OR8D1: variants seen among roughly 807,000 people sequenced by gnomAD.
The protein encoded by OR8D1 is olfactory receptor family 8 subfamily D member 1.
For synonymous variants in OR8D1, 143 were observed against 147.0 expected, an observed-to-expected ratio of 0.97 and a Z score of 0.20; for missense variants, 384 against 366.8, an observed-to-expected ratio of 1.05 and a Z score of -0.38.
Position 124,313,779 on chromosome 11 carries a change from A to G in OR8D1, c.-180T>C, listed in dbSNP as rs1460943209. 6.6e-6 allele frequency: 1 copy of G among 152,220 alleles called. No homozygotes were observed. Among genetic ancestry groups the G allele is most frequent in the African/African-American group, 2.4e-5 (1 of 41,464 alleles). The allele number at this position is 152,220 out of a possible 1,614,324, so 9.4% of individuals were successfully genotyped here. On this transcript the variant is annotated 5_prime_UTR_variant, in exon 1 of 3. Transcript: ENST00000641015. ...ATTGTTCACTTTGCTCAGGTCGCAG[A>G]TCCCTGTAATAGCCAACAAAGAACA... is the stretch of plus-strand genomic sequence containing the variant.
In OR8D1 at chr11:124,305,728, G is replaced by A. The variant is rs1344655522; in HGVS notation, c.*4112C>T. On this transcript the variant is annotated 3_prime_UTR_variant, in exon 3 of 3. Coordinates refer to ENST00000641015, the MANE Select transcript of OR8D1 (RefSeq NM_001002917.2). ...AGGAATATCTTAAAAACTGATTGGA[G>A]TAGAAGATAAAGCCCTTTGAATCCC... is the stretch of plus-strand genomic sequence containing the variant. 6.6e-6 allele frequency: 1 copy of A among 151,780 alleles called. No individual in the cohort carries two copies. 9.4% of individuals were successfully genotyped at this position (151,780 alleles called of 1,614,324 possible). A position where few individuals can be genotyped will look rare whatever the true frequency, so the allele number is the denominator to read the frequency against.
Position 124,310,012 on chromosome 11 carries a change from A to G in OR8D1, c.755T>C (p.Phe252Ser), listed in dbSNP as rs761004797. ...GAAATACATGAAGGTAATGGACCCA[A>G]AGAAGATCACCACAGCCATGAGATG... is the stretch of plus-strand genomic sequence containing the variant. ...SSHLMAVVIF[F>S]GSITFMYFKP... Residue 252 changes from phenylalanine to serine, a missense_variant, in exon 3 of 3, where the codon TTT becomes TCT. Physicochemically the swap from Phe to Ser is radical, Grantham distance 155 (BLOSUM62 -2). Coordinates refer to ENST00000641015, the MANE Select transcript of OR8D1 (RefSeq NM_001002917.2). The G allele has an allele frequency of 2.5e-5, 40 of 1,601,738 alleles. No individual in the cohort carries two copies. The highest frequency in any genetic ancestry group is 2.5e-4 in the East Asian group (11 of 44,716).
chr11:124,303,051 C>G lies in OR8D1; in HGVS notation c.*6789G>C, dbSNP rs1862337731. On this transcript the variant is annotated 3_prime_UTR_variant, in exon 3 of 3. Transcript: ENST00000641015. ...ATGAGTCTGTATTAATCCGTTTTCA[C>G]ATTGCTATAAGGAACTGCTGGAGAC... The G allele has an allele frequency of 6.6e-6, 1 of 152,024 alleles. No individual in the cohort carries two copies. The allele number at this position is 152,024 out of a possible 1,614,324, so 9.4% of individuals were successfully genotyped here.
chr11:124,310,953 C>A, intron 2 of OR8D1, 171 bp from the exon 3 acceptor site: 1 of 517,416 alleles, frequency 1.9e-6, no homozygotes, highest in Non-Finnish European at 3.4e-6. Flanking sequence ...TGGGCCTTCT[C>A]CAAGTTGGTC....
intron 2 of OR8D1, among the ~76,000 whole-genome samples, chr11:124,311,083 A>T (rs1042504838): frequency 1.3e-5 from 2 of 152,170 alleles, no homozygotes; most frequent in Admixed American, 6.5e-5. Flanking sequence ...CCAATTTGTC[A>T]CAGTTAAACA....
In OR8D1 at chr11:124,305,209, A is replaced by G. The variant is rs1029558939; in HGVS notation, c.*4631T>C. On this transcript the variant is annotated 3_prime_UTR_variant, in exon 3 of 3. Transcript: ENST00000641015. ...GGGTACAAAGTAGGTCCCTATATAG[A>G]TGGTCAGTTGATCTTAACAAAGGAA... The G allele has an allele frequency of 6.6e-6, 1 of 151,974 alleles. No homozygotes were observed. Among genetic ancestry groups the G allele is most frequent in the Non-Finnish European group, 1.5e-5 (1 of 67,922 alleles). The allele number at this position is 151,974 out of a possible 1,614,324, so 9.4% of individuals were successfully genotyped here.
At chr11:124,311,975 G>A (rs1862425841) in intron 1 of OR8D1, among the ~76,000 whole-genome samples, 1 of 152,184 alleles carries the variant, frequency 6.6e-6, no homozygotes, top group South Asian at 2.1e-4. Flanking sequence ...GGGTATCAAA[G>A]TAGGTGTATT....
At position 124,310,115 on chromosome 11, in the gene OR8D1, A is replaced by T; in HGVS notation, c.652T>A (p.Tyr218Asn). 6.2e-7 allele frequency: 1 copy of T among 1,613,744 alleles called. No individual in the cohort carries two copies. Among genetic ancestry groups the T allele is most frequent in the Non-Finnish European group, 8.5e-7 (1 of 1,179,846 alleles). The change falls in exon 3 of 3, where the codon TAT (tyrosine) becomes AAT (asparagine). Residue 218 changes from tyrosine (Y) to asparagine (N), a missense_variant. Physicochemically the swap from Tyr to Asn is moderately radical, Grantham distance 143 (BLOSUM62 -2). Coordinates refer to ENST00000641015, the MANE Select transcript of OR8D1 (RefSeq NM_001002917.2). ...AGGATGCTGTAGAGGATGAAGGCAT[A>T]GGAGACAGCAACAGCTAGGGTGGGC... ...LVPTLAVAVS[Y>N]AFILYSILHI...
rs928788565 is a variant in OR8D1 at position 124,307,604 on chromosome 11, C to G, written c.*2236G>C. The G allele has an allele frequency of 6.6e-6, 1 of 151,890 alleles. No individual in the cohort carries two copies. The highest frequency in any genetic ancestry group is 1.5e-5 in the Non-Finnish European group (1 of 67,988). The allele number at this position is 151,890 out of a possible 1,614,324, so 9.4% of individuals were successfully genotyped here. ...ATAGTTTGAGCAACCTTAGCAACTG[C>G]GAAAGCCACTTAAGAATCAGAAAAT... On this transcript the variant is annotated 3_prime_UTR_variant, in exon 3 of 3. Transcript: ENST00000641015.
In OR8D1 at chr11:124,309,479, A is replaced by G. The variant is rs1862397684; in HGVS notation, c.*361T>C. On this transcript the variant is annotated 3_prime_UTR_variant, in exon 3 of 3. Coordinates refer to ENST00000641015, the MANE Select transcript of OR8D1 (RefSeq NM_001002917.2). Reference sequence around the variant, plus strand: ...GGCTAACATACCTCTTAGCATTCATATCAGTGGACAACTCAGTACCTCCCA... The same window carrying G: ...GGCTAACATACCTCTTAGCATTCATGTCAGTGGACAACTCAGTACCTCCCA... The G allele has an allele frequency of 6.4e-6, 1 of 155,366 alleles. No individual in the cohort carries two copies. Among genetic ancestry groups the G allele is most frequent in the African/African-American group, 2.4e-5 (1 of 41,652 alleles). 9.6% of individuals were successfully genotyped at this position (155,366 alleles called of 1,614,324 possible). A position where few individuals can be genotyped will look rare whatever the true frequency, so the allele number is the denominator to read the frequency against.
chr11:124,312,668 C>A (rs986042016), intron 1 of OR8D1, among the ~76,000 whole-genome samples: 1 of 151,714 alleles, frequency 6.6e-6, no homozygotes, highest in Non-Finnish European at 1.5e-5. Flanking sequence ...CAGGCATGCA[C>A]CACCAAGCTC....
intron 1 of OR8D1, among the ~76,000 whole-genome samples, chr11:124,312,295 T>A (rs1862428576): frequency 6.6e-6 from 1 of 152,104 alleles, no homozygotes; most frequent in Non-Finnish European, 1.5e-5. Context: ...TTTTAAACAT[T>A]TGGTGCTGGT....
At chr11:124,311,278 G>A (rs550933182) in intron 2 of OR8D1, among the ~76,000 whole-genome samples, 1 of 152,178 alleles carries the variant, frequency 6.6e-6, no homozygotes, top group East Asian at 1.9e-4. Flanking sequence ...TGGGTGTAAG[G>A]CATCTACTCA....
rs889947385 is a variant in OR8D1 at position 124,306,788 on chromosome 11, C to G, written c.*3052G>C. ...GGTATATGTAGGAAGAATGAGACAC[C>G]TCTCCTGGCTTCTGATGTTCCCATC... On this transcript the variant is annotated 3_prime_UTR_variant, in exon 3 of 3. Transcript: ENST00000641015. The G allele has an allele frequency of 2.6e-5, 4 of 151,862 alleles. No individual in the cohort carries two copies. Among genetic ancestry groups the G allele is most frequent in the Non-Finnish European group, 4.4e-5 (3 of 67,944 alleles). 9.4% of individuals were successfully genotyped at this position (151,862 alleles called of 1,614,324 possible).
rs542847398 is a variant in OR8D1 at position 124,307,842 on chromosome 11, T to C, written c.*1998A>G. 6 of 152,106 alleles carry C rather than the reference T, an allele frequency of 3.9e-5. No homozygotes were observed. Among genetic ancestry groups the C allele is most frequent in the Non-Finnish European group, 7.4e-5 (5 of 68,016 alleles). 9.4% of individuals were successfully genotyped at this position (152,106 alleles called of 1,614,324 possible). A position where few individuals can be genotyped will look rare whatever the true frequency, so the allele number is the denominator to read the frequency against. On this transcript the variant is annotated 3_prime_UTR_variant, in exon 3 of 3. Transcript: ENST00000641015. Reference sequence around the variant, plus strand: ...TCAAGCTCTCCCTGGATTTGTTAAATGTATAAGTTCTGAGCAGGGCTACAA... The same window carrying C: ...TCAAGCTCTCCCTGGATTTGTTAAACGTATAAGTTCTGAGCAGGGCTACAA...
In OR8D1 at chr11:124,306,646, C is replaced by T. The variant is rs867783995; in HGVS notation, c.*3194G>A. The stretch of plus-strand genomic sequence containing the variant: ...GTGTCACTTTTCTTAAGAGTTACTT[C>T]GAATTTCCCAATTATAATTTTGAAT... On this transcript the variant is annotated 3_prime_UTR_variant, in exon 3 of 3. Transcript: ENST00000641015. 3.3e-5 allele frequency: 5 copies of T among 151,736 alleles called. No homozygotes were observed. The highest frequency in any genetic ancestry group is 2.0e-4 in the Admixed American group (3 of 15,206). The allele number at this position is 151,736 out of a possible 1,614,324, so 9.4% of individuals were successfully genotyped here.
Position 124,309,905 on chromosome 11 carries a change from A to C in OR8D1, c.862T>G (p.Leu288Val). 9 of 1,516,482 alleles carry C rather than the reference A, an allele frequency of 5.9e-6. No homozygotes were observed. The highest frequency in any genetic ancestry group is 7.1e-6 in the Non-Finnish European group (8 of 1,134,346). The allele number at this position is 1,516,482 out of a possible 1,614,324, so 93.9% of individuals were successfully genotyped here. The change falls in exon 3 of 3, where the codon TTA becomes GTA. Residue 288 changes from leucine to valine, a missense_variant. Transcript: ENST00000641015. Reference sequence around the variant, plus strand: ...TCCTTATTCCTCAGACTGTATATTAAAGGGTTCAGCATGGGGATCACCGTG... The same window carrying C: ...TCCTTATTCCTCAGACTGTATATTACAGGGTTCAGCATGGGGATCACCGTG... ...YTTVIPMLNP[L>V]IYSLRNKDVK...
At position 124,310,046 on chromosome 11, in the gene OR8D1, A is replaced by G. The variant is rs1203623238; in HGVS notation, c.721T>C (p.Cys241Arg). The G allele has an allele frequency of 1.1e-5, 18 of 1,612,772 alleles. No individual in the cohort carries two copies. The highest frequency in any genetic ancestry group is 1.4e-5 in the Non-Finnish European group (17 of 1,179,344). Residue 241 changes from cysteine (C) to arginine (R), a missense_variant, in exon 3 of 3, where the codon TGC becomes CGC. Physicochemically the swap from Cys to Arg is radical, Grantham distance 180. Coordinates refer to ENST00000641015, the MANE Select transcript of OR8D1 (RefSeq NM_001002917.2). ...SEGRSKAFGT[C>R]SSHLMAVVIF... The stretch of plus-strand genomic sequence containing the variant: ...ACCACAGCCATGAGATGAGAGCTGC[A>G]TGTTCCAAAAGCTTTGGACCGGCCC...
rs1862409602 is a variant in OR8D1, at chr11:124,310,376, G to A, written c.391C>T (p.Leu131Phe). 1.2e-6 allele frequency: 2 copies of A among 1,613,584 alleles called. No individual in the cohort carries two copies. Among genetic ancestry groups the A allele is most frequent in the Non-Finnish European group, 1.7e-6 (2 of 1,179,848 alleles). ...CATGAGGACATGATCGCATTATAAAGCAGTGGGCTACAGATGGCAACATAG... is the reference window on the plus strand; with the variant it reads ...CATGAGGACATGATCGCATTATAAAACAGTGGGCTACAGATGGCAACATAG... ...DRYVAICSPL[L>F]YNAIMSSWVC... The change falls in exon 3 of 3, where the codon CTT (leucine) becomes TTT (phenylalanine). Residue 131 changes from leucine (L) to phenylalanine (F), a missense_variant. Transcript: ENST00000641015.
Sources: gnomAD v4.1 joint callset for allele counts (sites outside exome capture counted in the v4.1 genomes callset) on GRCh38, gnomAD v4.1.1 for gene constraint, MANE v1.5 for transcripts, NCBI Gene and HGNC (gene_info 2026-07-23, HGNC 2026-07-21) for gene names.